GALNT9: variants seen among roughly 807,000 people sequenced by gnomAD.
GALNT9 encodes polypeptide N-acetylgalactosaminyltransferase 9.
In GALNT9, 47 loss-of-function variants were observed where a neutral mutation model predicts 63.1. The observed-to-expected ratio is 0.75, with a 90% CI of 0.59 to 0.95. The LOEUF (loss-of-function observed/expected upper bound fraction) is 0.95. GALNT9 is among the 40% of genes least tolerant of loss of function. GALNT9 has a pLI of 0.00. For missense variants in GALNT9, 829 were observed against 874.8 expected, an observed-to-expected ratio of 0.95 and a Z score of 0.66; for synonymous variants, 396 against 365.7, an observed-to-expected ratio of 1.08 and a Z score of -0.94.
chr12:132,301,061 G>A (rs993219746), intron 1 of GALNT9, among the ~76,000 whole-genome samples: 7 of 152,224 alleles, frequency 4.6e-5, no homozygotes, highest in East Asian at 3.8e-4. Context: ...GGTTCCCTCC[G>A]AGCCAGCTGC....
intron 1 of GALNT9, among the ~76,000 whole-genome samples, chr12:132,328,435 C>T (rs1555246676): frequency 1.3e-5 from 2 of 152,214 alleles, no homozygotes; most frequent in Non-Finnish European, 2.9e-5. Flanking sequence ...CTCGGGCACC[C>T]CCAGGACAGG....
At chr12:132,241,513 T>TA (rs1384666172) in intron 6 of GALNT9, among the ~76,000 whole-genome samples, 6 of 96,768 alleles carry the variant, frequency 6.2e-5, no homozygotes, top group Admixed American at 9.7e-5. Context: ...CTATACCCAT[T>TA]ACACACACGC....
At chr12:132,304,542 G>C (rs1342575192) in intron 1 of GALNT9, among the ~76,000 whole-genome samples, 3 of 19,040 alleles carry the variant, frequency 1.6e-4, no homozygotes, top group Non-Finnish European at 2.7e-4. Flanking sequence ...CCCGGGCACA[G>C]AATCGCCCAG....
intron 5 of GALNT9, among the ~76,000 whole-genome samples, chr12:132,253,026 G>A (rs1398667095): frequency 1.3e-5 from 2 of 152,146 alleles, no homozygotes; most frequent in Non-Finnish European, 2.9e-5. Flanking sequence ...ATGATCACAG[G>A]ACAGGGGGCC....
At position 132,315,980 on chromosome 12, in the gene GALNT9, G is replaced by A. The variant is rs532824664; in HGVS notation, c.238+12986C>T. 3.5e-4 allele frequency among the ~76,000 whole-genome samples: 53 copies of A among 152,362 alleles called. 1 individual carries two copies. In the South Asian group the frequency reaches 0.011, roughly 30 times the overall value. On this transcript the variant is annotated intron_variant, in intron 1 of 10. Transcript: ENST00000328957. This position sits in a 1 kb window ranked among gnomAD's most constrained non-coding sequence, Gnocchi z 6.1. The stretch of plus-strand genomic sequence containing the variant: ...TCCAGAATGTTCGAGAGTGGAGGGT[G>A]GTGGGGACGCGGGGTCCTGGAGAGG...
intron 6 of GALNT9, chr12:132,240,596 C>T (rs900554594): frequency 4.4e-6 from 2 of 455,564 alleles, no homozygotes; most frequent in South Asian, 1.5e-5. Flanking sequence ...CGGCTGTGGG[C>T]TCCGTGCGTG....
intron 6 of GALNT9, among the ~76,000 whole-genome samples, chr12:132,213,448 ACT>A (rs1207205536): frequency 6.6e-6 from 1 of 151,826 alleles, no homozygotes; most frequent in Non-Finnish European, 1.5e-5. Context: ...ATACACATGC[ACT>A]GTTACCCCCA....
intron 7 of GALNT9, among the ~76,000 whole-genome samples, chr12:132,201,744 C>T (rs1327361560): frequency 1.3e-5 from 2 of 151,800 alleles, no homozygotes; most frequent in Non-Finnish European, 3.0e-5. Context: ...AGAATCAAGT[C>T]CTTGGGACCC....
chr12:132,240,340 G>A (rs1249690736), intron 6 of GALNT9, among the ~76,000 whole-genome samples: 2 of 152,142 alleles, frequency 1.3e-5, no homozygotes, highest in Non-Finnish European at 2.9e-5. Flanking sequence ...GCAGACTCCA[G>A]GGCTGCAGGG....
Position 132,322,446 on chromosome 12 carries a change from A to G in GALNT9, c.238+6520T>C, listed in dbSNP as rs140254114. ...CCGTTGCTCACTGAGACAGGCCCTC[A>G]GCTCATAGGGGCTGGGCCCGCAAAT... On this transcript the variant is annotated intron_variant, in intron 1 of 10. Coordinates refer to ENST00000328957, the MANE Select transcript of GALNT9 (RefSeq NM_001122636.2). Among the ~76,000 whole-genome samples the G allele has an allele frequency of 7.1e-3, 1,076 of 152,354 alleles. 8 individuals are homozygous for G. Among genetic ancestry groups the G allele is most frequent in the Non-Finnish European group, 0.011 (762 of 68,024 alleles).
In GALNT9 at chr12:132,282,436, T is replaced by C. The variant is rs1157343874; in HGVS notation, c.419+3814A>G. Reference sequence around the variant, plus strand: ...GCGTGTGTGTGCGTGTGTGCGTGCATGCGTGTGTGTGCGTGTGCATGTGTG... The same window carrying C: ...GCGTGTGTGTGCGTGTGTGCGTGCACGCGTGTGTGTGCGTGTGCATGTGTG... On this transcript the variant is annotated intron_variant, in intron 2 of 10. Transcript: ENST00000328957. This position sits in a 1 kb window ranked among gnomAD's most constrained non-coding sequence, Gnocchi z 4.5. 6.6e-6 allele frequency among the ~76,000 whole-genome samples: 1 copy of C among 152,150 alleles called. No individual in the cohort carries two copies. The highest frequency in any genetic ancestry group is 1.5e-5 in the Non-Finnish European group (1 of 68,000).
At chr12:132,326,908 C>T (rs1338383196) in intron 1 of GALNT9, among the ~76,000 whole-genome samples, 4 of 152,218 alleles carry the variant, frequency 2.6e-5, no homozygotes, top group African/African-American at 7.2e-5. Flanking sequence ...CAGGCCTCTA[C>T]GGCACCGCCC....
At chr12:132,204,352 G>C (rs1643759504) in intron 6 of GALNT9, among the ~76,000 whole-genome samples, 2 of 152,124 alleles carry the variant, frequency 1.3e-5, no homozygotes, top group South Asian at 4.1e-4. Context: ...GTGAGGGTTG[G>C]TTTTGTGTCA....
chr12:132,269,459 G>T (rs980711363), intron 2 of GALNT9, among the ~76,000 whole-genome samples: 32 of 152,158 alleles, frequency 2.1e-4, no homozygotes, highest in Admixed American at 1.8e-3. Flanking sequence ...TTTGCGTCTG[G>T]TGCTGCTGGA....
At chr12:132,200,700 G>GCCTGTGAATGT (rs1367894281) in intron 8 of GALNT9, 2 of 164,602 alleles carry the variant, frequency 1.2e-5, no homozygotes, top group Admixed American at 1.2e-4. Flanking sequence ...TTACGTACCT[G>GCCTGTGAATGT]CCTGTGAATG....
chr12:132,263,067 A>G (rs782047776), intron 2 of GALNT9, among the ~76,000 whole-genome samples: 5 of 151,620 alleles, frequency 3.3e-5, no homozygotes, highest in African/African-American at 4.8e-5. Context: ...AGGTGCTTGG[A>G]TTCCAACCCC....
At chr12:132,292,882 G>A (rs934500114) in intron 1 of GALNT9, among the ~76,000 whole-genome samples, 8 of 152,122 alleles carry the variant, frequency 5.3e-5, no homozygotes, top group Non-Finnish European at 1.0e-4. Context: ...ACGCCGCCTC[G>A]CATGTGCAGG....
At chr12:132,215,337 A>G (rs1877140220) in intron 6 of GALNT9, among the ~76,000 whole-genome samples, 1 of 152,232 alleles carries the variant, frequency 6.6e-6, no homozygotes, top group South Asian at 2.1e-4. Context: ...CACGAGACAC[A>G]GTCAGTTTCT....
At position 132,316,258 on chromosome 12, in the gene GALNT9, G is replaced by A. The variant is rs978938331; in HGVS notation, c.238+12708C>T. On this transcript the variant is annotated intron_variant, in intron 1 of 10. Transcript: ENST00000328957. The surrounding 1 kb of genome is among the most constrained non-coding windows in gnomAD (Gnocchi z 4.3). Reference sequence around the variant, plus strand: ...TGCCCCGGGCCCCGACCTGCAAAGGGGGGTGCCATGATTCTCTACCATACA... The same window carrying A: ...TGCCCCGGGCCCCGACCTGCAAAGGAGGGTGCCATGATTCTCTACCATACA... Among the ~76,000 whole-genome samples the A allele has an allele frequency of 6.6e-6, 1 of 152,066 alleles. No homozygotes were observed. Among genetic ancestry groups the A allele is most frequent in the Non-Finnish European group, 1.5e-5 (1 of 68,008 alleles).
Sources: allele counts gnomAD v4.1 joint callset (sites outside exome capture counted in the v4.1 genomes callset), GRCh38; gene constraint gnomAD v4.1.1; non-coding constraint Gnocchi (gnomAD v3.1); transcripts MANE v1.5; gene names NCBI Gene and HGNC (gene_info 2026-07-23, HGNC 2026-07-21).